The following BAIAP2 variants were observed in gnomAD, a reference collection of about 807,000 sequenced individuals.
BAIAP2 encodes the protein BAR/IMD domain-containing adapter protein 2.
BAIAP2 carries 18 observed loss-of-function variants against 63.0 expected under a neutral mutation model. The observed-to-expected ratio is 0.29, with a 90% CI of 0.20 to 0.42. The LOEUF (loss-of-function observed/expected upper bound fraction) is 0.42. BAIAP2 is among the 10% of genes least tolerant of loss of function. BAIAP2 has a pLI of 1.00. For synonymous variants in BAIAP2, 386 were observed against 307.6 expected (o/e 1.25, Z -2.67); for missense variants, 610 against 734.3 (o/e 0.83, Z 1.96).
At chr17:81,090,211 T>G (rs1296087752) in intron 6 of BAIAP2, among the ~76,000 whole-genome samples, 1 of 152,208 alleles carries the variant, frequency 6.6e-6, no homozygotes, top group Admixed American at 6.5e-5. Flanking sequence ...GCCCCAGAGC[T>G]TCTCTGAGCC....
At chr17:81,035,413 G>T (rs2046078029) in intron 1 of BAIAP2, 105 bp downstream of exon 1, 1 of 600,380 alleles carries the variant, frequency 1.7e-6, no homozygotes. Context: ...CCGCGCGCCG[G>T]GCCAGGAGGC....
intron 13 of BAIAP2, among the ~76,000 whole-genome samples, chr17:81,113,087 C>A (rs1370925801): frequency 2.0e-4 from 30 of 152,134 alleles, no homozygotes; most frequent in Admixed American, 2.0e-3. Flanking sequence ...ATTAGAAAAG[C>A]CACCGGTCTC....
intron 3 of BAIAP2, among the ~76,000 whole-genome samples, chr17:81,070,804 C>A (rs1453340440): frequency 2.0e-5 from 3 of 152,216 alleles, no homozygotes; most frequent in African/African-American, 7.2e-5. Context: ...AGTGTGTGAG[C>A]AGATTTGGTG....
chr17:81,105,904 A>G, intron 10 of BAIAP2, 174 bp from the exon 11 acceptor site: 1 of 590,650 alleles, frequency 1.7e-6, no homozygotes, highest in Non-Finnish European at 3.0e-6. Flanking sequence ...GAGGCTGAGC[A>G]CACAGTGGGA....
chr17:81,085,949 G>A (rs1484392111), intron 5 of BAIAP2, among the ~76,000 whole-genome samples: 3 of 152,248 alleles, frequency 2.0e-5, no homozygotes, highest in Non-Finnish European at 2.9e-5. Flanking sequence ...CACATGCCTG[G>A]TTCCATGCCC....
chr17:81,104,041 C>T lies in BAIAP2; in HGVS notation c.999C>T (p.Leu333=). ...SLSPPQSQSK[L]SDSYSNTLPV... ...CTCCTCCGCAGTCTCAGAGCAAGCT[C>T]AGCGACTCCTACTCCAACACACTCC... The change falls in exon 9 of 14, where the codon CTC becomes CTT. Residue 333 remains leucine, a synonymous_variant. Transcript: ENST00000428708. 1 of 1,613,324 alleles carries T rather than the reference C, an allele frequency of 6.2e-7. No individual in the cohort carries two copies. The highest frequency in any genetic ancestry group is 1.3e-5 in the African/African-American group (1 of 75,052).
intron 13 of BAIAP2, chr17:81,110,791 G>A: frequency 7.4e-7 from 1 of 1,357,910 alleles, no homozygotes; most frequent in Non-Finnish European, 1.0e-6. Context: ...CCAGCTGTGT[G>A]CCGACTCCGA....
At position 81,103,553 on chromosome 17, in the gene BAIAP2, G is replaced by A. The variant is rs772199606; in HGVS notation, c.694G>A (p.Asp232Asn). The part of the protein sequence containing the change: ...KLPLWQQACA[D>N]PSKIPERAVQ... ...GCCGCTGTGGCAACAGGCCTGTGCC[G>A]ACCCCAGCAAGATCCCGGAGCGCGC... is the stretch of plus-strand genomic sequence containing the variant. Residue 232 changes from aspartate to asparagine, a missense_variant, in exon 8 of 14, where the codon GAC (aspartate) becomes AAC (asparagine). Asp to Asn is a conservative substitution (Grantham distance 23, BLOSUM62 1). Transcript: ENST00000428708. 7 of 1,598,588 alleles carry A rather than the reference G, an allele frequency of 4.4e-6. No individual in the cohort carries two copies. The highest frequency in any genetic ancestry group is 2.2e-5 in the East Asian group (1 of 44,670).
chr17:81,085,207 C>A lies in BAIAP2; in HGVS notation c.279+314C>A, dbSNP rs1254856710. The A allele has an allele frequency of 7.7e-6, 4 of 518,030 alleles. No homozygotes were observed. In the Admixed American group the frequency reaches 1.3e-4, roughly 17 times the overall value. 32.1% of individuals were successfully genotyped at this position (518,030 alleles called of 1,614,324 possible). Reference sequence around the variant, plus strand: ...GTTCACAAGGTTGCAAGGCACACTTCCCCTGGCCTCTCCGACTGTAGGCAG... The same window carrying A: ...GTTCACAAGGTTGCAAGGCACACTTACCCTGGCCTCTCCGACTGTAGGCAG... On this transcript the variant is annotated intron_variant, in intron 4 of 13. Transcript: ENST00000428708.
Position 81,116,848 on chromosome 17 carries a change from A to C in BAIAP2, c.*1009A>C, listed in dbSNP as rs2060564368. 1 of 155,134 alleles carries C rather than the reference A, an allele frequency of 6.4e-6. No homozygotes were observed. The highest frequency in any genetic ancestry group is 6.2e-5 in the Admixed American group (1 of 16,006). The allele number at this position is 155,134 out of a possible 1,614,324, so 9.6% of individuals were successfully genotyped here. On this transcript the variant is annotated 3_prime_UTR_variant, in exon 14 of 14. Coordinates refer to ENST00000428708, the MANE Select transcript of BAIAP2 (RefSeq NM_001144888.2). ...GCAGAGCTCACTCCCGCCTACAGCC[A>C]CTCACACCCCGGGGACAGGAAGCTG...
chr17:81,104,432 C>A, intron 9 of BAIAP2, 82 bp from the exon 10 acceptor site: 1 of 1,446,814 alleles, frequency 6.9e-7, no homozygotes, highest in Non-Finnish European at 9.3e-7. Flanking sequence ...CGGCTGTGCT[C>A]TCAGCACCTC....
chr17:81,098,888 C>G (rs1030414735), intron 6 of BAIAP2, among the ~76,000 whole-genome samples: 1 of 152,208 alleles, frequency 6.6e-6, no homozygotes, highest in Non-Finnish European at 1.5e-5. Flanking sequence ...ACCTGTCTTT[C>G]CTGTGCCCAA....
intron 1 of BAIAP2, among the ~76,000 whole-genome samples, chr17:81,048,706 G>C (rs1248692440): frequency 6.6e-6 from 1 of 152,184 alleles, no homozygotes; most frequent in Non-Finnish European, 1.5e-5. Context: ...CCTCCCATTT[G>C]TACCTTCAGA....
chr17:81,089,099 C>T (rs545736483), intron 6 of BAIAP2, among the ~76,000 whole-genome samples: 6 of 152,392 alleles, frequency 3.9e-5, no homozygotes, highest in South Asian at 4.1e-4. Context: ...GATTTACTCC[C>T]GAGGCTGTGT....
chr17:81,113,831 G>C (rs765953831), intron 13 of BAIAP2, among the ~76,000 whole-genome samples: 1 of 152,176 alleles, frequency 6.6e-6, no homozygotes, highest in African/African-American at 2.4e-5. Flanking sequence ...CCAGGCAAGC[G>C]ATGTGCCTTT....
chr17:81,116,634 G>C lies in BAIAP2; in HGVS notation c.*795G>C. 2 of 402,826 alleles carry C rather than the reference G, an allele frequency of 5.0e-6. No homozygotes were observed. Among genetic ancestry groups the C allele is most frequent in the East Asian group, 4.4e-5 (1 of 22,716 alleles). 25.0% of individuals were successfully genotyped at this position (402,826 alleles called of 1,614,324 possible). A position where few individuals can be genotyped will look rare whatever the true frequency, so the allele number is the denominator to read the frequency against. On this transcript the variant is annotated 3_prime_UTR_variant, in exon 14 of 14. Coordinates refer to ENST00000428708, the MANE Select transcript of BAIAP2 (RefSeq NM_001144888.2). ...TCCGGGGTCTGCCCCAGGACTCCTG[G>C]GTGGACCTCCCCCCCCCACCTCCGC... is the stretch of plus-strand genomic sequence containing the variant.
chr17:81,106,162 A>C lies in BAIAP2; in HGVS notation c.1337+16A>C. ...TGCACATGAGGTGAGCTCTGGGCCC[A>C]ACGGGAGTGTAAGATCCCCAGCTCG... On this transcript the variant is annotated intron_variant, in intron 11 of 13. Transcript: ENST00000428708. 2 of 1,568,604 alleles carry C rather than the reference A, an allele frequency of 1.3e-6. No homozygotes were observed. Among genetic ancestry groups the C allele is most frequent in the African/African-American group, 1.3e-5 (1 of 74,300 alleles).
At chr17:81,109,994 C>T (rs1021788024) in intron 13 of BAIAP2, 6 of 985,336 alleles carry the variant, frequency 6.1e-6, no homozygotes, top group African/African-American at 3.5e-5. Context: ...TAAACGCTCT[C>T]GTCTTTTTGT....
chr17:81,109,276 G>T (rs566418635), intron 13 of BAIAP2: 1 of 1,299,856 alleles, frequency 7.7e-7, no homozygotes, highest in East Asian at 3.1e-5. Flanking sequence ...GCCGTGCGGG[G>T]CACCCTCGGC....
Sources: allele counts gnomAD v4.1 joint callset (sites outside exome capture counted in the v4.1 genomes callset), GRCh38; gene constraint gnomAD v4.1.1; transcripts MANE v1.5; gene names NCBI Gene and HGNC (gene_info 2026-07-23, HGNC 2026-07-21).